SLC7A7: variants seen among roughly 807,000 people sequenced by gnomAD.
SLC7A7 encodes the protein solute carrier family 7 member 7, also known as Y+L amino acid transporter 1.
A neutral mutation model predicts 47.9 loss-of-function variants in SLC7A7; 39 were observed. The ratio of observed to expected loss-of-function variants is 0.81; its 90% CI spans 0.63 to 1.06. The LOEUF (loss-of-function observed/expected upper bound fraction) is 1.06, where lower values mean the gene tolerates loss of function less well. SLC7A7 is among the 50% of genes least tolerant of loss of function. SLC7A7 has a pLI of 0.00. For missense variants in SLC7A7, 588 were observed against 632.0 expected (o/e 0.93, Z 0.75); for synonymous variants, 234 against 242.8 (o/e 0.96, Z 0.34).
intron 3 of SLC7A7, 109 bp from the exon 4 acceptor site, chr14:22,779,046 G>A: frequency 2.2e-6 from 3 of 1,377,792 alleles, no homozygotes; most frequent in South Asian, 1.2e-5. Context: ...CAGGTAAGTG[G>A]CCTACAACAC....
At chr14:22,804,584 A>G (rs551125466) in intron 2 of SLC7A7, among the ~76,000 whole-genome samples, 9 of 152,232 alleles carry the variant, frequency 5.9e-5, no homozygotes, top group Non-Finnish European at 1.2e-4. Flanking sequence ...AAAAGAGGAC[A>G]TTCATGCGGC....
At chr14:22,817,690 C>G (rs998072332), upstream of SLC7A7, among the ~76,000 whole-genome samples, 1 of 152,132 alleles carries the variant, frequency 6.6e-6, no homozygotes, top group Admixed American at 6.6e-5. Flanking sequence ...TTGGCCAGGC[C>G]GGTCTTGAAC....
rs759666407 is a variant in SLC7A7, at chr14:22,778,800, G to T, written c.763C>A (p.Pro255Thr). 2.5e-6 allele frequency: 4 copies of T among 1,614,042 alleles called. No homozygotes were observed. The South Asian group carries it at 4.4e-5, about 18-fold the overall frequency. The stretch of plus-strand genomic sequence containing the variant: ...TGGTGGTGCAGTACCTACCTCTCAG[G>T]ATTCTTGATCTCTTCAGTGACATAG... Reference protein sequence around the residue: ...LNYVTEEIKNPERNLPLSIGI... With the variant: ...LNYVTEEIKNTERNLPLSIGI... Residue 255 changes from proline to threonine, a missense_variant, in exon 4 of 10, where the codon CCT becomes ACT. Transcript: ENST00000674313.
chr14:22,781,238 ACACC>A (rs1173112546), intron 2 of SLC7A7, among the ~76,000 whole-genome samples: 1 of 152,058 alleles, frequency 6.6e-6, no homozygotes. Context: ...ACAGTCAGAA[ACACC>A]CTCTGAGTTC....
Position 22,773,540 on chromosome 14 carries a change from T to C in SLC7A7, c.*70A>G, listed in dbSNP as rs760339503. 7.1e-7 allele frequency: 1 copy of C among 1,400,908 alleles called. No homozygotes were observed. The highest frequency in any genetic ancestry group is 1.0e-6 in the Non-Finnish European group (1 of 989,244). The allele number at this position is 1,400,908 out of a possible 1,614,324, so 86.8% of individuals were successfully genotyped here. A position where few individuals can be genotyped will look rare whatever the true frequency, so the allele number is the denominator to read the frequency against. ...TGCCTCCAAAGAAGTGAGCTTTCCTTTTCAACTTCCTTAGCTCTAGCCAGT... is the reference window on the plus strand; with the variant it reads ...TGCCTCCAAAGAAGTGAGCTTTCCTCTTCAACTTCCTTAGCTCTAGCCAGT... On this transcript the variant is annotated 3_prime_UTR_variant, in exon 10 of 10. Transcript: ENST00000674313.
intron 2 of SLC7A7, among the ~76,000 whole-genome samples, chr14:22,799,043 T>C (rs1405757531): frequency 1.3e-5 from 2 of 152,188 alleles, no homozygotes; most frequent in South Asian, 2.1e-4. Flanking sequence ...TAACACTTAA[T>C]ACATTTTGCT....
chr14:22,808,346 C>T (rs1460510984), intron 2 of SLC7A7, among the ~76,000 whole-genome samples: 1 of 152,230 alleles, frequency 6.6e-6, no homozygotes. Context: ...ATCTAGCACA[C>T]ACATAGCATG....
intron 1 of SLC7A7, 99 bp downstream of exon 1, chr14:22,815,221 G>T (rs2039387301): frequency 2.6e-6 from 1 of 384,652 alleles, no homozygotes; most frequent in Non-Finnish European, 5.3e-6. Context: ...GTTAGGGTGA[G>T]AGGCACTCGG....
At chr14:22,812,757 A>C in intron 2 of SLC7A7, 143 bp downstream of exon 2, 1 of 557,578 alleles carries the variant, frequency 1.8e-6, no homozygotes, top group East Asian at 3.8e-5. Context: ...GAATTTTCAC[A>C]CAAAGCATAC....
At position 22,779,910 on chromosome 14, in the gene SLC7A7, T is replaced by G. The variant is rs546861228; in HGVS notation, c.625+16A>C. On this transcript the variant is annotated intron_variant, in intron 3 of 9. Coordinates refer to ENST00000674313, the MANE Select transcript of SLC7A7 (RefSeq NM_003982.4). ...ATGCTTAAAAAAGATTAGTTGCTAC[T>G]AATATTATTTCTTACCCTGGCCAAG... 4 of 1,613,668 alleles carry G rather than the reference T, an allele frequency of 2.5e-6. No homozygotes were observed. The African/African-American group carries it at 5.3e-5, about 22-fold the overall frequency.
chr14:22,800,412 G>A (rs1050154673), intron 2 of SLC7A7, among the ~76,000 whole-genome samples: 28 of 152,144 alleles, frequency 1.8e-4, no homozygotes, highest in Admixed American at 1.3e-3. Context: ...CTCGAAACTG[G>A]ATGGTCTTCT....
intron 2 of SLC7A7, among the ~76,000 whole-genome samples, chr14:22,781,432 G>GTTCCTT (rs987276745): frequency 6.6e-6 from 1 of 152,140 alleles, no homozygotes; most frequent in Non-Finnish European, 1.5e-5. Flanking sequence ...GACTGCCCAA[G>GTTCCTT]TTCCTTTCTG....
intron 2 of SLC7A7, among the ~76,000 whole-genome samples, chr14:22,785,456 G>A (rs111376010): frequency 0.012 from 1,781 of 152,128 alleles, 35 homozygotes; most frequent in African/African-American, 0.04. Flanking sequence ...ACGGCCAGGC[G>A]CTGGCTCACG....
chr14:22,777,640 A>G (rs750734060), intron 4 of SLC7A7, among the ~76,000 whole-genome samples: 5 of 152,186 alleles, frequency 3.3e-5, no homozygotes, highest in African/African-American at 4.8e-5. Context: ...CGGTAGGTGG[A>G]AGTACCACCC....
chr14:22,787,351 G>T (rs1035411625), intron 2 of SLC7A7, among the ~76,000 whole-genome samples: 2 of 151,988 alleles, frequency 1.3e-5, no homozygotes, highest in African/African-American at 4.8e-5. Flanking sequence ...CAGGAGAATC[G>T]CTTGAACCCA....
At position 22,779,926 on chromosome 14, in the gene SLC7A7, C is replaced by T. The variant is rs1433813161; in HGVS notation, c.625G>A (p.Gly209Arg). Reference protein sequence around the residue: ...IVAGIVRLGQGASTHFENSFE... With the variant: ...IVAGIVRLGQRASTHFENSFE... ...AGTTGCTACTAATATTATTTCTTACCCTGGCCAAGTCTAACAATGCCTGCA... is the reference window on the plus strand; with the variant it reads ...AGTTGCTACTAATATTATTTCTTACTCTGGCCAAGTCTAACAATGCCTGCA... The change falls in exon 3 of 10, where the codon GGA (glycine) becomes AGA (arginine). Residue 209 changes from glycine (G) to arginine (R), a missense_variant and splice_region_variant. Coordinates refer to ENST00000674313, the MANE Select transcript of SLC7A7 (RefSeq NM_003982.4). 6.2e-7 allele frequency: 1 copy of T among 1,613,986 alleles called. No individual in the cohort carries two copies.
intron 8 of SLC7A7, 37 bp from the exon 9 acceptor site, chr14:22,774,153 C>T: frequency 1.2e-6 from 2 of 1,612,516 alleles, no homozygotes; most frequent in Non-Finnish European, 1.7e-6. Flanking sequence ...GTGGACAACT[C>T]AGGATTCTTA....
At chr14:22,811,712 C>T (rs2039308042) in intron 2 of SLC7A7, among the ~76,000 whole-genome samples, 1 of 151,992 alleles carries the variant, frequency 6.6e-6, no homozygotes, top group Non-Finnish European at 1.5e-5. Flanking sequence ...ATTAGCTAGG[C>T]ATGGTGGCAC....
At chr14:22,810,550 C>T (rs763191650) in intron 2 of SLC7A7, among the ~76,000 whole-genome samples, 2 of 151,846 alleles carry the variant, frequency 1.3e-5, no homozygotes, top group African/African-American at 2.4e-5. Context: ...TCCTTCTCTG[C>T]ACATGATATA....
Sources: allele counts gnomAD v4.1 joint callset (sites outside exome capture counted in the v4.1 genomes callset), GRCh38; gene constraint gnomAD v4.1.1; transcripts MANE v1.5; gene names NCBI Gene and HGNC (gene_info 2026-07-23, HGNC 2026-07-21).